Variants in MYT1L observed in about 807,000 individuals in gnomAD.
MYT1L encodes myelin transcription factor 1-like protein.
MYT1L carries 12 observed loss-of-function variants against 126.7 expected under a neutral mutation model. The ratio of observed to expected loss-of-function variants is 0.09; its 90% CI spans 0.06 to 0.15. The LOEUF (loss-of-function observed/expected upper bound fraction) is 0.15. Ranked by LOEUF, MYT1L falls within the 10% of genes least tolerant of loss-of-function variation. MYT1L has a pLI of 1.00. For missense variants in MYT1L, 979 were observed against 1,585.2 expected (o/e 0.62, Z 6.49); for synonymous variants, 541 against 604.2 (o/e 0.90, Z 1.53).
At chr2:2,024,987 T>G (rs769821311) in intron 4 of MYT1L, among the ~76,000 whole-genome samples, 1 of 152,262 alleles carries the variant, frequency 6.6e-6, no homozygotes, top group Non-Finnish European at 1.5e-5. Flanking sequence ...GCCTGTACTA[T>G]CTCACTGGGC....
chr2:1,933,004 G>A (rs746298066), intron 9 of MYT1L, among the ~76,000 whole-genome samples: 2 of 152,122 alleles, frequency 1.3e-5, no homozygotes, highest in African/African-American at 2.4e-5. Flanking sequence ...CTGTGTCAGC[G>A]TGCCTGGGAG....
intron 2 of MYT1L, among the ~76,000 whole-genome samples, chr2:2,196,498 A>T (rs1453407458): frequency 6.6e-6 from 1 of 151,494 alleles, no homozygotes; most frequent in African/African-American, 2.4e-5. Context: ...GTGTATTTAT[A>T]ATAAAAATTA....
At chr2:2,243,663 C>T (rs2094478761) in intron 2 of MYT1L, among the ~76,000 whole-genome samples, 1 of 152,162 alleles carries the variant, frequency 6.6e-6, no homozygotes, top group Non-Finnish European at 1.5e-5. Context: ...ATCCACACTG[C>T]TTTTATTTAT....
At chr2:1,844,655 C>T (rs796141615) in intron 19 of MYT1L, among the ~76,000 whole-genome samples, 7 of 152,244 alleles carry the variant, frequency 4.6e-5, no homozygotes, top group Admixed American at 2.0e-4. Context: ...CCTGCATCAT[C>T]GGCTGTGAAA....
Position 1,789,788 on chromosome 2 carries a change from A to C in MYT1L, c.*2079T>G, listed in dbSNP as rs1389364526. ...GCTTCAGCTCTCAAAACGCATTCTGAGCATGGCAGCTGCAACCAATAGCAC... is the reference window on the plus strand; with the variant it reads ...GCTTCAGCTCTCAAAACGCATTCTGCGCATGGCAGCTGCAACCAATAGCAC... On this transcript the variant is annotated 3_prime_UTR_variant, in exon 25 of 25. Coordinates refer to ENST00000647738, the MANE Select transcript of MYT1L (RefSeq NM_001303052.2). The C allele has an allele frequency of 6.6e-6, 1 of 152,200 alleles. No homozygotes were observed. The highest frequency in any genetic ancestry group is 1.9e-4 in the East Asian group (1 of 5,200). The allele number at this position is 152,200 out of a possible 1,614,324, so 9.4% of individuals were successfully genotyped here.
chr2:2,176,901 A>G (rs1559235567), intron 2 of MYT1L, among the ~76,000 whole-genome samples: 1 of 152,244 alleles, frequency 6.6e-6, no homozygotes, highest in Non-Finnish European at 1.5e-5. Flanking sequence ...TGTAACCTGG[A>G]AGTATGTATA....
intron 5 of MYT1L, among the ~76,000 whole-genome samples, chr2:1,996,757 G>A (rs1261665669): frequency 1.5e-5 from 2 of 137,636 alleles, no homozygotes; most frequent in South Asian, 2.4e-4. Flanking sequence ...GGGCTGCACA[G>A]AACCGAGTGT....
chr2:2,200,461 T>A (rs1418862532), intron 2 of MYT1L, among the ~76,000 whole-genome samples: 2 of 151,942 alleles, frequency 1.3e-5, no homozygotes, highest in Non-Finnish European at 2.9e-5. Context: ...CACCTGAACA[T>A]CTGTCTCCAT....
intron 8 of MYT1L, among the ~76,000 whole-genome samples, chr2:1,957,474 G>A (rs1005095570): frequency 9.3e-5 from 14 of 151,254 alleles, no homozygotes; most frequent in Admixed American, 2.0e-4. Context: ...TTGTTCTTAC[G>A]CCTTTGCGTC....
chr2:1,802,566 G>A (rs2035041658), intron 22 of MYT1L, among the ~76,000 whole-genome samples: 1 of 152,244 alleles, frequency 6.6e-6, no homozygotes, highest in African/African-American at 2.4e-5. Flanking sequence ...CTGACCATCT[G>A]AGTGTCCCTG....
At chr2:2,211,532 G>A (rs902285784) in intron 2 of MYT1L, among the ~76,000 whole-genome samples, 1 of 152,084 alleles carries the variant, frequency 6.6e-6, no homozygotes, top group Non-Finnish European at 1.5e-5. Flanking sequence ...CTCTGGCCAG[G>A]TGCAGTGGCT....
chr2:1,814,030 A>ACC (rs2037221529), intron 21 of MYT1L, among the ~76,000 whole-genome samples: 1 of 146,592 alleles, frequency 6.8e-6, no homozygotes, highest in Admixed American at 6.8e-5. Context: ...CCGTCCCCAA[A>ACC]AAAAAAAAAA....
At chr2:2,142,220 G>A (rs2084096832) in intron 3 of MYT1L, among the ~76,000 whole-genome samples, 1 of 152,080 alleles carries the variant, frequency 6.6e-6, no homozygotes, top group Admixed American at 6.6e-5. Context: ...TGTGTTACGA[G>A]TTGCAATCAT....
chr2:2,222,458 T>G (rs1260046359), intron 2 of MYT1L, among the ~76,000 whole-genome samples: 3 of 151,936 alleles, frequency 2.0e-5, no homozygotes, highest in Non-Finnish European at 4.4e-5. Flanking sequence ...ATTGTGCCAC[T>G]GCACTCCAGC....
At chr2:1,810,348 C>T (rs1187040534) in intron 21 of MYT1L, among the ~76,000 whole-genome samples, 2 of 152,114 alleles carry the variant, frequency 1.3e-5, no homozygotes, top group Non-Finnish European at 2.9e-5. Flanking sequence ...CCATATTGGC[C>T]AGGCTGGTCT....
At chr2:2,060,218 G>C (rs941174552) in intron 3 of MYT1L, among the ~76,000 whole-genome samples, 1 of 152,150 alleles carries the variant, frequency 6.6e-6, no homozygotes, top group African/African-American at 2.4e-5. Flanking sequence ...CCTTTCACAG[G>C]AACTTAGGCC....
At chr2:2,206,755 CA>C (rs2093336639) in intron 2 of MYT1L, among the ~76,000 whole-genome samples, 2 of 152,226 alleles carry the variant, frequency 1.3e-5, no homozygotes, top group South Asian at 4.1e-4. Flanking sequence ...CTCCTGTTAG[CA>C]GATTCTGTAG....
chr2:2,046,147 T>C (rs1026875543), intron 4 of MYT1L, among the ~76,000 whole-genome samples: 1 of 152,186 alleles, frequency 6.6e-6, no homozygotes, highest in Non-Finnish European at 1.5e-5. Flanking sequence ...AAGCAATTTT[T>C]CTCCCCCCAG....
At chr2:2,150,847 A>AGAAGG (rs1210957293) in intron 3 of MYT1L, among the ~76,000 whole-genome samples, 1 of 141,750 alleles carries the variant, frequency 7.1e-6, no homozygotes, top group Non-Finnish European at 1.5e-5. Flanking sequence ...GGAAGGGAAA[A>AGAAGG]GAAGGGAAGG....
Sources: allele counts gnomAD v4.1 joint callset (sites outside exome capture counted in the v4.1 genomes callset), GRCh38; gene constraint gnomAD v4.1.1; transcripts MANE v1.5; gene names NCBI Gene and HGNC (gene_info 2026-07-23, HGNC 2026-07-21).